Variants in MCTP2 observed in about 807,000 individuals in gnomAD.
The protein encoded by MCTP2 is multiple C2 and transmembrane domain-containing protein 2.
In MCTP2, 132 loss-of-function variants were observed where a neutral mutation model predicts 111.6. That is an observed-to-expected ratio of 1.18 (90% confidence interval 1.03 to 1.37). The LOEUF (loss-of-function observed/expected upper bound fraction) is 1.37. Ranked by LOEUF, MCTP2 falls within the 40% of genes most tolerant of loss-of-function variation. The pLI is 0.00. For synonymous variants in MCTP2, 395 were observed against 387.7 expected (o/e 1.02, Z -0.22); for missense variants, 1,183 against 1,067.9 (o/e 1.11, Z -1.50).
chr15:94,388,713 GAACC>G (rs2080674576), intron 14 of MCTP2, among the ~76,000 whole-genome samples: 1 of 152,084 alleles, frequency 6.6e-6, no homozygotes, highest in Non-Finnish European at 1.5e-5. Flanking sequence ...GGCATGTGCT[GAACC>G]ATCAGTTCTC....
Position 94,348,294 on chromosome 15 carries a change from G to A in MCTP2, c.1005+3130G>A, listed in dbSNP as rs117892837. Among the ~76,000 whole-genome samples the A allele has an allele frequency of 6.7e-3, 1,007 of 150,842 alleles. 3 individuals are homozygous for A. Among genetic ancestry groups the A allele is most frequent in the Non-Finnish European group, 0.011 (754 of 67,640 alleles). On this transcript the variant is annotated intron_variant, in intron 8 of 22. Coordinates refer to ENST00000357742, the MANE Select transcript of MCTP2 (RefSeq NM_001385001.1). ...GCCTCCACCTGGCTACATACACTGA[G>A]AAGACAGTCATAGCATTTGGAGGGA...
intron 10 of MCTP2, among the ~76,000 whole-genome samples, chr15:94,360,487 G>A (rs531742104): frequency 2.4e-4 from 37 of 152,316 alleles, no homozygotes; most frequent in South Asian, 6.2e-4. Context: ...TGTGCTAGCC[G>A]AAAGAGCAAA....
intron 1 of MCTP2, among the ~76,000 whole-genome samples, chr15:94,245,216 G>A (rs566371050): frequency 1.5e-5 from 2 of 136,396 alleles, no homozygotes; most frequent in African/African-American, 5.2e-5. Flanking sequence ...TTATACATAT[G>A]TGTATATATA....
intron 17 of MCTP2, among the ~76,000 whole-genome samples, chr15:94,428,743 C>T (rs577672206): frequency 1.2e-4 from 18 of 152,116 alleles, no homozygotes; most frequent in Non-Finnish European, 2.4e-4. Flanking sequence ...TCTCAATTTA[C>T]TAATTTTCTG....
intron 14 of MCTP2, 37 bp downstream of exon 14, chr15:94,385,562 T>C: frequency 8.5e-6 from 12 of 1,408,760 alleles, no homozygotes; most frequent in Non-Finnish European, 1.2e-5. Context: ...TTGTGAGTCA[T>C]TTTATAGTTG....
intron 1 of MCTP2, among the ~76,000 whole-genome samples, chr15:94,278,553 G>C (rs1445282266): frequency 1.3e-5 from 2 of 152,134 alleles, no homozygotes; most frequent in African/African-American, 4.8e-5. Flanking sequence ...TTATGACCTT[G>C]AGGATTTGAT....
At chr15:94,264,617 G>GA (rs146502224) in intron 1 of MCTP2, among the ~76,000 whole-genome samples, 61,067 of 150,832 alleles carry the variant, frequency 0.4, 13,033 homozygotes, top group Admixed American at 0.5. Flanking sequence ...TCTCAAAAAA[G>GA]AAAAAAAAAT....
rs147321944 is a variant in MCTP2, at chr15:94,443,857, G to C, written c.2250+897G>C. The stretch of plus-strand genomic sequence containing the variant: ...AGGAAAATGACCTTTTTCAGAAAAG[G>C]GTTCACACAGATGCAAGTTTCTTAT... On this transcript the variant is annotated intron_variant, in intron 19 of 22. Transcript: ENST00000357742. Among the ~76,000 whole-genome samples, 982 of 151,784 alleles carry C rather than the reference G, an allele frequency of 6.5e-3. 3 individuals are homozygous for C. Among genetic ancestry groups the C allele is most frequent in the Non-Finnish European group, 1.0e-2 (677 of 67,918 alleles).
chr15:94,402,908 T>C (rs934385617), intron 17 of MCTP2: 11 of 1,088,356 alleles, frequency 1.0e-5, no homozygotes, highest in African/African-American at 1.6e-5. Flanking sequence ...CTGAATGTTA[T>C]GTGGTTCTGC....
At position 94,339,294 on chromosome 15, in the gene MCTP2, A is replaced by G. The variant is rs78714458; in HGVS notation, c.642A>G (p.Thr214=). The change falls in exon 5 of 23, where the codon ACA becomes ACG. Residue 214 remains threonine, a synonymous_variant. Transcript: ENST00000357742. ...TGTTTTCTTTTCCTTTTAAAGGCAC[A>G]AGTGATCCTTATGTGAAATTTAAGC... is the stretch of plus-strand genomic sequence containing the variant. ...RNLVVRDRCG[T]SDPYVKFKLN... is the part of the protein sequence containing the mutation. 174 of 1,599,262 alleles carry G rather than the reference A, an allele frequency of 1.1e-4. No individual in the cohort carries two copies. In the African/African-American group the frequency reaches 2.0e-3, roughly 18 times the overall value.
intron 20 of MCTP2, among the ~76,000 whole-genome samples, chr15:94,463,364 G>A (rs902775812): frequency 6.6e-6 from 1 of 152,050 alleles, no homozygotes; most frequent in African/African-American, 2.4e-5. Context: ...TGTGGTGCTA[G>A]TTTAAATGGC....
chr15:94,475,417 G>C (rs1024943718), intron 21 of MCTP2, among the ~76,000 whole-genome samples: 1 of 152,164 alleles, frequency 6.6e-6, no homozygotes, highest in Non-Finnish European at 1.5e-5. Flanking sequence ...ATTGTGTCAG[G>C]TATAATGCCA....
At chr15:94,353,188 G>T (rs941591740) in intron 8 of MCTP2, among the ~76,000 whole-genome samples, 1 of 152,120 alleles carries the variant, frequency 6.6e-6, no homozygotes, top group African/African-American at 2.4e-5. Flanking sequence ...TTCAAAGTCC[G>T]ACTGAGATAG....
chr15:94,388,890 T>C (rs2080685732), intron 14 of MCTP2, among the ~76,000 whole-genome samples: 1 of 152,166 alleles, frequency 6.6e-6, no homozygotes, highest in African/African-American at 2.4e-5. Flanking sequence ...ATTGCCACAG[T>C]GAGTAATTAT....
At chr15:94,388,473 C>A (rs2080657849) in intron 14 of MCTP2, among the ~76,000 whole-genome samples, 2 of 152,202 alleles carry the variant, frequency 1.3e-5, no homozygotes, top group East Asian at 3.8e-4. Flanking sequence ...GATTCTCTAT[C>A]TAATATTAGA....
chr15:94,394,533 AG>A (rs2081180152), intron 14 of MCTP2, among the ~76,000 whole-genome samples: 1 of 152,154 alleles, frequency 6.6e-6, no homozygotes, highest in Non-Finnish European at 1.5e-5. Context: ...TGGGAGGCTG[AG>A]GCGGGTGGAT....
At chr15:94,473,360 A>G (rs766800414) in intron 21 of MCTP2, among the ~76,000 whole-genome samples, 2 of 152,222 alleles carry the variant, frequency 1.3e-5, no homozygotes, top group African/African-American at 2.4e-5. Flanking sequence ...CCTGTGCTCT[A>G]TATAGATGAC....
At chr15:94,374,001 C>T (rs2079621891) in intron 12 of MCTP2, among the ~76,000 whole-genome samples, 1 of 152,130 alleles carries the variant, frequency 6.6e-6, no homozygotes, top group South Asian at 2.1e-4. Context: ...TCTTAAAATG[C>T]AGGTATTTTA....
chr15:94,245,167 C>T (rs1398621605), intron 1 of MCTP2, among the ~76,000 whole-genome samples: 4 of 145,636 alleles, frequency 2.7e-5, no homozygotes, highest in African/African-American at 7.5e-5. Flanking sequence ...TATATTTATA[C>T]ACATGTATAG....
Sources: allele counts gnomAD v4.1 joint callset (sites outside exome capture counted in the v4.1 genomes callset), GRCh38; gene constraint gnomAD v4.1.1; transcripts MANE v1.5; gene names NCBI Gene and HGNC (gene_info 2026-07-23, HGNC 2026-07-21).